The following SMYD3 variants were observed in gnomAD, a reference collection of about 807,000 sequenced individuals.
The protein encoded by SMYD3 is SET and MYND domain containing 3.
A neutral mutation model predicts 57.7 loss-of-function variants in SMYD3; 36 were observed. The observed-to-expected ratio is 0.62, with a 90% CI of 0.48 to 0.82. SMYD3 has a LOEUF of 0.82. Among genes scored for constraint, SMYD3 ranks in the 40% least tolerant of loss-of-function variants. The pLI is 0.00. For missense variants in SMYD3, 515 were observed against 538.8 expected (o/e 0.96, Z 0.44); for synonymous variants, 211 against 195.0 (o/e 1.08, Z -0.68).
chr1:246,140,879 G>A (rs1315919071), intron 5 of SMYD3, among the ~76,000 whole-genome samples: 1 of 152,158 alleles, frequency 6.6e-6, no homozygotes, highest in East Asian at 1.9e-4. Context: ...ACAGAACTGA[G>A]CCACCAAGCC....
At chr1:245,798,679 C>A (rs975970371) in intron 10 of SMYD3, among the ~76,000 whole-genome samples, 1 of 152,050 alleles carries the variant, frequency 6.6e-6, no homozygotes, top group Non-Finnish European at 1.5e-5. Flanking sequence ...GGGCAGCTAC[C>A]CCTCCGCTAC....
At chr1:245,818,251 T>A (rs1162154113) in intron 10 of SMYD3, among the ~76,000 whole-genome samples, 1 of 152,094 alleles carries the variant, frequency 6.6e-6, no homozygotes, top group Admixed American at 6.5e-5. Context: ...TTCAACATTC[T>A]TAAAAAGAAT....
chr1:246,293,020 G>T (rs2064725061), intron 5 of SMYD3, among the ~76,000 whole-genome samples: 1 of 152,080 alleles, frequency 6.6e-6, no homozygotes, highest in Non-Finnish European at 1.5e-5. Context: ...GTGGGTAAAT[G>T]TATCTGTACT....
At chr1:245,952,129 T>C (rs2057675517) in intron 5 of SMYD3, among the ~76,000 whole-genome samples, 1 of 152,058 alleles carries the variant, frequency 6.6e-6, no homozygotes, top group Non-Finnish European at 1.5e-5. Context: ...AAAACAGAAA[T>C]ACCTGTAAAT....
intron 5 of SMYD3, among the ~76,000 whole-genome samples, chr1:246,120,748 C>A (rs1290581145): frequency 6.6e-6 from 1 of 152,166 alleles, no homozygotes; most frequent in Non-Finnish European, 1.5e-5. Flanking sequence ...GAAATCATCT[C>A]CAACCCAACC....
chr1:246,398,493 G>C lies in SMYD3; in HGVS notation c.165-43399C>G, dbSNP rs539008863. ...AAGGTATGGTAAAAGCTACCATAGA[G>C]AGATGTACAACATGCAGTGGTGATG... On this transcript the variant is annotated intron_variant, in intron 1 of 11. Transcript: ENST00000490107. 1.2e-4 allele frequency among the ~76,000 whole-genome samples: 18 copies of C among 152,352 alleles called. No homozygotes were observed. In the South Asian group the frequency reaches 2.1e-3, roughly 18 times the overall value.
intron 4 of SMYD3, among the ~76,000 whole-genome samples, chr1:246,329,392 G>A (rs1211040418): frequency 6.6e-6 from 1 of 152,232 alleles, no homozygotes; most frequent in East Asian, 1.9e-4. Context: ...TCTATCTGGT[G>A]TGAGATGGTA....
intron 11 of SMYD3, among the ~76,000 whole-genome samples, chr1:245,763,695 G>A (rs1280344082): frequency 1.3e-5 from 2 of 152,166 alleles, no homozygotes; most frequent in Non-Finnish European, 2.9e-5. Context: ...ATGGGGAGGA[G>A]GCACAAACAA....
At chr1:246,433,432 G>T (rs1472872335) in intron 1 of SMYD3, among the ~76,000 whole-genome samples, 1 of 152,150 alleles carries the variant, frequency 6.6e-6, no homozygotes, top group Non-Finnish European at 1.5e-5. Context: ...AGGCCAAGGT[G>T]GGAGGATCAC....
intron 10 of SMYD3, among the ~76,000 whole-genome samples, chr1:245,846,690 C>G (rs2050681649): frequency 6.6e-6 from 1 of 152,102 alleles, no homozygotes; most frequent in African/African-American, 2.4e-5. Context: ...TCCACAGTAG[C>G]CTCTTAATAA....
At chr1:246,119,200 T>G (rs1276376849) in intron 5 of SMYD3, among the ~76,000 whole-genome samples, 1 of 151,858 alleles carries the variant, frequency 6.6e-6, no homozygotes, top group Non-Finnish European at 1.5e-5. Context: ...TTTTTTTTTA[T>G]TTTTGGAAGT....
chr1:245,961,426 C>G (rs1156302016), intron 5 of SMYD3, among the ~76,000 whole-genome samples: 1 of 152,052 alleles, frequency 6.6e-6, no homozygotes, highest in Non-Finnish European at 1.5e-5. Context: ...CCCTTTCACC[C>G]TAAAATATCA....
intron 5 of SMYD3, among the ~76,000 whole-genome samples, chr1:246,050,161 G>C (rs1266913339): frequency 1.3e-5 from 2 of 152,186 alleles, no homozygotes; most frequent in Non-Finnish European, 2.9e-5. Flanking sequence ...GCCTTAATTA[G>C]ACTCATAGTC....
At chr1:245,937,165 T>C (rs2147877520) in intron 5 of SMYD3, among the ~76,000 whole-genome samples, 1 of 152,300 alleles carries the variant, frequency 6.6e-6, no homozygotes, top group Non-Finnish European at 1.5e-5. Flanking sequence ...CACAAATAAG[T>C]CTGCAGTGCA....
rs929803079 is a variant in SMYD3 at position 245,919,538 on chromosome 1, T to C, written c.703-3898A>G. The stretch of plus-strand genomic sequence containing the variant: ...CATTTTTGTGCTTCTTTTATGCCAA[T>C]GAAGTCTGCAGAATATCTGGTTATC... On this transcript the variant is annotated intron_variant, in intron 7 of 11. Transcript: ENST00000490107. 3.5e-4 allele frequency among the ~76,000 whole-genome samples: 54 copies of C among 152,218 alleles called. 1 individual carries two copies. The highest frequency in any genetic ancestry group is 1.9e-4 in the Non-Finnish European group (13 of 68,038).
Position 246,327,291 on chromosome 1 carries a change from G to A in SMYD3, c.441C>T (p.Leu147=), listed in dbSNP as rs549576382. The change falls in exon 5 of 12, where the codon CTC becomes CTT. Residue 147 remains leucine, a synonymous_variant. Transcript: ENST00000490107. The part of the protein sequence containing the change: ...TEDKKEGLRQ[L]VMTFQHFMRE... ...TCATGAAATGTTGAAATGTCATTACGAGTTGCCTGAGGCCCTCTTTCTTAT... is the reference window on the plus strand; with the variant it reads ...TCATGAAATGTTGAAATGTCATTACAAGTTGCCTGAGGCCCTCTTTCTTAT... 16 of 1,613,942 alleles carry A rather than the reference G, an allele frequency of 9.9e-6. No individual in the cohort carries two copies. The highest frequency in any genetic ancestry group is 4.5e-5 in the East Asian group (2 of 44,868).
At chr1:246,150,917 C>T (rs2061931380) in intron 5 of SMYD3, among the ~76,000 whole-genome samples, 1 of 152,206 alleles carries the variant, frequency 6.6e-6, no homozygotes, top group Non-Finnish European at 1.5e-5. Flanking sequence ...TGGCTGGCTC[C>T]AGGTTGAAAT....
At chr1:246,419,382 G>A (rs1045137347) in intron 1 of SMYD3, among the ~76,000 whole-genome samples, 7 of 152,114 alleles carry the variant, frequency 4.6e-5, no homozygotes, top group African/African-American at 1.2e-4. Context: ...CCCGATGTCC[G>A]GCCACTTGTC....
At chr1:246,022,768 G>T (rs1159276237) in intron 5 of SMYD3, among the ~76,000 whole-genome samples, 2 of 152,160 alleles carry the variant, frequency 1.3e-5, no homozygotes, top group Non-Finnish European at 2.9e-5. Flanking sequence ...ATACCAAATT[G>T]TTACAATAAA....
Sources: gnomAD v4.1 joint callset for allele counts (sites outside exome capture counted in the v4.1 genomes callset) on GRCh38, gnomAD v4.1.1 for gene constraint, MANE v1.5 for transcripts, NCBI Gene and HGNC (gene_info 2026-07-23, HGNC 2026-07-21) for gene names.